The following EEFSEC variants were observed in gnomAD, a reference collection of about 807,000 sequenced individuals.
The protein encoded by EEFSEC is eukaryotic elongation factor, selenocysteine-tRNA specific, also known as selenocysteine-specific elongation factor.
A neutral mutation model predicts 42.1 loss-of-function variants in EEFSEC; 43 were observed. That is an observed-to-expected ratio of 1.02 (90% CI 0.80 to 1.32). EEFSEC has a LOEUF of 1.32. Ranked by LOEUF, EEFSEC falls within the 40% of genes most tolerant of loss-of-function variation. The pLI, the probability that EEFSEC is intolerant of heterozygous loss-of-function variation, is 0.00. For missense variants in EEFSEC, 745 were observed against 803.6 expected (o/e 0.93, Z 0.88); for synonymous variants, 354 against 339.1 (o/e 1.04, Z -0.48).
chr3:128,357,954 A>G (rs530914001), intron 5 of EEFSEC, among the ~76,000 whole-genome samples: 2 of 152,040 alleles, frequency 1.3e-5, no homozygotes, highest in Non-Finnish European at 2.9e-5. Context: ...CTGAGGTGCT[A>G]TCTGTGGAAA....
chr3:128,278,171 C>G (rs2066488446), intron 4 of EEFSEC, among the ~76,000 whole-genome samples: 1 of 152,108 alleles, frequency 6.6e-6, no homozygotes, highest in African/African-American at 2.4e-5. Context: ...GTTTGGAGAA[C>G]AGATTTGAGG....
At position 128,358,349 on chromosome 3, in the gene EEFSEC, G is replaced by A. The variant is rs762756987; in HGVS notation, c.1576G>A (p.Gly526Ser). ...CATCGACAGTGCCTTCGGCCAGAGC[G>A]GCAAGTTCAAGATCCACATCCCAGG... ...GIIDSAFGQS[G>S]KFKIHIPGGL... The change falls in exon 6 of 7, where the codon GGC becomes AGC. Residue 526 changes from glycine to serine, a missense_variant. Transcript: ENST00000254730. 83 of 1,614,106 alleles carry A rather than the reference G, an allele frequency of 5.1e-5. No individual in the cohort carries two copies. In the South Asian group the frequency reaches 6.4e-4, roughly 12 times the overall value.
intron 1 of EEFSEC, among the ~76,000 whole-genome samples, chr3:128,188,256 A>G (rs2065484601): frequency 6.6e-6 from 1 of 152,188 alleles, no homozygotes; most frequent in South Asian, 2.1e-4. Context: ...TGCAGTTTCA[A>G]GGAGACAGGG....
intron 6 of EEFSEC, among the ~76,000 whole-genome samples, chr3:128,383,342 T>C (rs1345816815): frequency 6.6e-6 from 1 of 152,172 alleles, no homozygotes; most frequent in Non-Finnish European, 1.5e-5. Flanking sequence ...GTATGCTCAG[T>C]GAATGGGGTG....
intron 5 of EEFSEC, among the ~76,000 whole-genome samples, chr3:128,343,826 C>A: frequency 6.6e-6 from 1 of 152,194 alleles, no homozygotes; most frequent in East Asian, 1.9e-4. Context: ...CAACCTGGGG[C>A]CACCAGCATT....
chr3:128,157,466 A>C (rs994537999), intron 1 of EEFSEC, among the ~76,000 whole-genome samples: 2 of 152,254 alleles, frequency 1.3e-5, no homozygotes, highest in African/African-American at 4.8e-5. Flanking sequence ...ATAGCTACAG[A>C]GAAGTCAATG....
intron 6 of EEFSEC, among the ~76,000 whole-genome samples, chr3:128,368,391 C>T (rs976745031): frequency 1.3e-5 from 2 of 151,326 alleles, no homozygotes; most frequent in Admixed American, 6.6e-5. Flanking sequence ...CAGGAGATTG[C>T]GCCACTGCAC....
rs558038953 is a variant in EEFSEC at position 128,398,563 on chromosome 3, G to A, written c.1601-9506G>A. On this transcript the variant is annotated intron_variant, in intron 6 of 6. Transcript: ENST00000254730. Reference sequence around the variant, plus strand: ...TGGCAACAGCACTAAGGACAGACCAGTGGGAGAGGGTCCTGGCCACTCATG... The same window carrying A: ...TGGCAACAGCACTAAGGACAGACCAATGGGAGAGGGTCCTGGCCACTCATG... Among the ~76,000 whole-genome samples, 3 of 152,324 alleles carry A rather than the reference G, an allele frequency of 2.0e-5. No individual in the cohort carries two copies. The South Asian group carries it at 6.2e-4, about 32-fold the overall frequency.
chr3:128,172,692 A>G (rs1319283403), intron 1 of EEFSEC, among the ~76,000 whole-genome samples: 1 of 152,244 alleles, frequency 6.6e-6, no homozygotes. Context: ...GGATGGAGAC[A>G]CAGACACTGA....
chr3:128,264,511 T>A, intron 3 of EEFSEC, 106 bp from the exon 4 acceptor site: 1 of 1,333,992 alleles, frequency 7.5e-7, no homozygotes, highest in Non-Finnish European at 1.0e-6. Context: ...GAGTTCACCT[T>A]GGCAGCCTTG....
At chr3:128,215,789 C>G (rs577164287) in intron 1 of EEFSEC, among the ~76,000 whole-genome samples, 11 of 152,108 alleles carry the variant, frequency 7.2e-5, no homozygotes, top group Non-Finnish European at 1.0e-4. Flanking sequence ...TCTTAGGCCA[C>G]CCGGCTCCTG....
chr3:128,353,587 C>T (rs1229304082), intron 5 of EEFSEC, among the ~76,000 whole-genome samples: 3 of 152,208 alleles, frequency 2.0e-5, no homozygotes, highest in East Asian at 1.9e-4. Flanking sequence ...GCCCCTGGGC[C>T]GGACTTCTAG....
intron 4 of EEFSEC, among the ~76,000 whole-genome samples, chr3:128,302,069 GT>G (rs1169766300): frequency 1.3e-5 from 2 of 152,196 alleles, no homozygotes; most frequent in Non-Finnish European, 2.9e-5. Flanking sequence ...AGCTCATTTA[GT>G]TGTCAAAATT....
At chr3:128,265,083 A>C (rs1559893130) in intron 4 of EEFSEC, among the ~76,000 whole-genome samples, 1 of 151,994 alleles carries the variant, frequency 6.6e-6, no homozygotes, top group Non-Finnish European at 1.5e-5. Context: ...GAGGCTCCAG[A>C]AGGTGAGGTG....
chr3:128,358,290 T>C lies in EEFSEC; in HGVS notation c.1517T>C (p.Leu506Pro). Residue 506 changes from leucine to proline, a missense_variant, in exon 6 of 7, where the codon CTC (leucine) becomes CCC (proline). Transcript: ENST00000254730. ...ACCAACATCCAGCTCTTCGTGGGGC[T>C]CAAGGTGCACTTGTCCACTGGGGAA... ...KETNIQLFVG[L>P]KVHLSTGELG... 1 of 1,614,236 alleles carries C rather than the reference T, an allele frequency of 6.2e-7. No individual in the cohort carries two copies. The highest frequency in any genetic ancestry group is 8.5e-7 in the Non-Finnish European group (1 of 1,180,040).
chr3:128,293,043 T>C (rs959398890), intron 4 of EEFSEC, among the ~76,000 whole-genome samples: 3 of 152,238 alleles, frequency 2.0e-5, no homozygotes, highest in Admixed American at 6.5e-5. Context: ...GACCCATGGG[T>C]TATTTATAAG....
intron 6 of EEFSEC, among the ~76,000 whole-genome samples, chr3:128,374,195 G>A (rs772937801): frequency 6.6e-6 from 1 of 152,226 alleles, no homozygotes; most frequent in Non-Finnish European, 1.5e-5. Flanking sequence ...TGCTGTCATC[G>A]ACTGTGTGGC....
chr3:128,193,172 G>C (rs1345865404), intron 1 of EEFSEC, among the ~76,000 whole-genome samples: 1 of 152,218 alleles, frequency 6.6e-6, no homozygotes, highest in East Asian at 1.9e-4. Context: ...CACTTATGCT[G>C]TCCTTATGTA....
At chr3:128,193,366 G>A (rs1292763182) in intron 1 of EEFSEC, among the ~76,000 whole-genome samples, 2 of 152,228 alleles carry the variant, frequency 1.3e-5, no homozygotes, top group Non-Finnish European at 2.9e-5. Context: ...ATCTGAGAGG[G>A]TGTTGCTCTC....
Sources: gnomAD v4.1 joint callset for allele counts (sites outside exome capture counted in the v4.1 genomes callset) on GRCh38, gnomAD v4.1.1 for gene constraint, MANE v1.5 for transcripts, NCBI Gene and HGNC (gene_info 2026-07-23, HGNC 2026-07-21) for gene names.